The following IMPG1 variants were observed in gnomAD, a reference collection of about 807,000 sequenced individuals.
IMPG1 encodes the protein interphotoreceptor matrix proteoglycan 1.
A neutral mutation model predicts 92.0 loss-of-function variants in IMPG1; 85 were observed. That is an observed-to-expected ratio of 0.92 (90% CI 0.78 to 1.11). The LOEUF (loss-of-function observed/expected upper bound fraction) is 1.11, where lower values mean the gene tolerates loss of function less well. Ranked by LOEUF, IMPG1 falls within the 50% of genes least tolerant of loss-of-function variation. The pLI is 0.00. For missense variants in IMPG1, 1,022 were observed against 956.0 expected (o/e 1.07, Z -0.91); for synonymous variants, 367 against 334.1 (o/e 1.10, Z -1.08).
chr6:76,015,800 C>CAAAAAAAAAAAA (rs35389302), intron 7 of IMPG1, among the ~76,000 whole-genome samples: 5 of 66,738 alleles, frequency 7.5e-5, no homozygotes, highest in Non-Finnish European at 1.3e-4. Flanking sequence ...AACTCTGTCT[C>CAAAAAAAAAAAA]AAAAAAAAAA....
intron 1 of IMPG1, among the ~76,000 whole-genome samples, chr6:76,071,607 C>T (rs558742088): frequency 6.6e-6 from 1 of 152,004 alleles, no homozygotes; most frequent in African/African-American, 2.4e-5. Flanking sequence ...TTTACTTTTT[C>T]ATGGATATTC....
At chr6:75,966,913 C>T (rs1782316274) in intron 12 of IMPG1, among the ~76,000 whole-genome samples, 1 of 152,196 alleles carries the variant, frequency 6.6e-6, no homozygotes, top group African/African-American at 2.4e-5. Context: ...CATGATGGCT[C>T]ATGCTTGTAA....
intron 9 of IMPG1, among the ~76,000 whole-genome samples, chr6:76,006,839 G>A (rs1343565767): frequency 6.6e-6 from 1 of 151,854 alleles, no homozygotes; most frequent in Admixed American, 6.6e-5. Context: ...CTGTCCTCAG[G>A]AATTAGGTTT....
At chr6:75,976,261 C>T (rs936518065) in intron 12 of IMPG1, among the ~76,000 whole-genome samples, 12 of 152,206 alleles carry the variant, frequency 7.9e-5, no homozygotes, top group South Asian at 2.1e-4. Context: ...ATTTGGAGAC[C>T]GTGAATCAAA....
chr6:75,937,764 G>A lies in IMPG1; in HGVS notation c.2045-6613C>T, dbSNP rs566682021. The stretch of plus-strand genomic sequence containing the variant: ...TTTCCAGGGAAAACAAGCTCGTTGA[G>A]CCACATTTTTGTAAATGCATCCTGG... On this transcript the variant is annotated intron_variant, in intron 14 of 16. Transcript: ENST00000369950. 2.6e-5 allele frequency among the ~76,000 whole-genome samples: 4 copies of A among 152,294 alleles called. No homozygotes were observed. The South Asian group carries it at 8.3e-4, about 32-fold the overall frequency.
intron 12 of IMPG1, among the ~76,000 whole-genome samples, chr6:75,998,416 G>A (rs572590555): frequency 2.0e-5 from 3 of 152,280 alleles, no homozygotes; most frequent in South Asian, 2.1e-4. Flanking sequence ...CTCATGTCAC[G>A]GATTCCTTCT....
chr6:76,019,480 A>G (rs1783377584), intron 6 of IMPG1, among the ~76,000 whole-genome samples: 1 of 152,244 alleles, frequency 6.6e-6, no homozygotes. Flanking sequence ...AGAAGAGAAC[A>G]GTTAATGGAA....
At chr6:76,031,734 C>T (rs543253160) in intron 4 of IMPG1, among the ~76,000 whole-genome samples, 20 of 152,254 alleles carry the variant, frequency 1.3e-4, no homozygotes, top group Admixed American at 1.2e-3. Flanking sequence ...TTGTTAATAT[C>T]ACTTTCATCT....
At position 76,022,219 on chromosome 6, in the gene IMPG1, T is replaced by A; in HGVS notation, c.563A>T (p.Asp188Val). The change falls in exon 6 of 17, where the codon GAT becomes GTT. Residue 188 changes from aspartate to valine, a missense_variant and splice_region_variant. By Grantham distance (152) the Asp-to-Val change is radical. Coordinates refer to ENST00000369950, the MANE Select transcript of IMPG1 (RefSeq NM_001563.4). ...AGGCCCAAGTGAGACGTTGGCAACA[T>A]CTGTGAAAATTTTAAAAATTAAAGA... Reference protein sequence around the residue: ...EPGETIVISTDVANVSLGPFP... With the variant: ...EPGETIVISTVVANVSLGPFP... The A allele has an allele frequency of 6.4e-7, 1 of 1,564,554 alleles. No individual in the cohort carries two copies. Among genetic ancestry groups the A allele is most frequent in the Non-Finnish European group, 8.7e-7 (1 of 1,143,084 alleles).
intron 12 of IMPG1, among the ~76,000 whole-genome samples, chr6:76,000,355 C>T (rs1418364361): frequency 6.6e-6 from 1 of 152,190 alleles, no homozygotes; most frequent in African/African-American, 2.4e-5. Context: ...GTTGTGTGAT[C>T]ACCACCTCAA....
At chr6:75,940,064 C>A (rs375035227) in intron 14 of IMPG1, among the ~76,000 whole-genome samples, 145 of 152,338 alleles carry the variant, frequency 9.5e-4, no homozygotes, top group African/African-American at 3.5e-3. Context: ...TGACTTTCTG[C>A]AACATTGTCT....
At chr6:76,039,938 A>G (rs1273445243) in intron 2 of IMPG1, among the ~76,000 whole-genome samples, 1 of 152,190 alleles carries the variant, frequency 6.6e-6, no homozygotes, top group Non-Finnish European at 1.5e-5. Context: ...TTGATTTGGG[A>G]ATATGAGTGC....
At chr6:75,969,967 G>C (rs1782377514) in intron 12 of IMPG1, among the ~76,000 whole-genome samples, 1 of 152,046 alleles carries the variant, frequency 6.6e-6, no homozygotes, top group African/African-American at 2.4e-5. Flanking sequence ...AAACTTCATT[G>C]TGTTTTCTTC....
intron 4 of IMPG1, among the ~76,000 whole-genome samples, chr6:76,030,832 A>T (rs2149486888): frequency 6.6e-6 from 1 of 152,248 alleles, no homozygotes; most frequent in African/African-American, 2.4e-5. Flanking sequence ...ACTTCTTTAG[A>T]GTGGGGAATG....
intron 15 of IMPG1, 97 bp from the exon 16 acceptor site, chr6:75,923,803 C>A: frequency 2.9e-6 from 2 of 697,834 alleles, no homozygotes; most frequent in Non-Finnish European, 4.9e-6. Context: ...AACATCATGA[C>A]AAGTGAAAAT....
chr6:75,990,898 C>G lies in IMPG1; in HGVS notation c.1291+12020G>C, dbSNP rs1258743769. Among the ~76,000 whole-genome samples the G allele has an allele frequency of 4.6e-5, 7 of 152,126 alleles. No individual in the cohort carries two copies. The South Asian group carries it at 1.5e-3, about 32-fold the overall frequency. On this transcript the variant is annotated intron_variant, in intron 12 of 16. Coordinates refer to ENST00000369950, the MANE Select transcript of IMPG1 (RefSeq NM_001563.4). ...TTACAGATATTCTTTTTATTTCTAC[C>G]TTAGGACTTCGAAGATGTCACTTTC...
chr6:75,960,096 T>A (rs1355440332), intron 12 of IMPG1, among the ~76,000 whole-genome samples: 2 of 152,182 alleles, frequency 1.3e-5, no homozygotes, highest in Non-Finnish European at 2.9e-5. Context: ...CAGTCTCTCA[T>A]GGCTTCCCTT....
intron 12 of IMPG1, among the ~76,000 whole-genome samples, chr6:75,976,407 C>T (rs1394004518): frequency 6.6e-6 from 1 of 152,094 alleles, no homozygotes; most frequent in Non-Finnish European, 1.5e-5. Flanking sequence ...ACCAAAAATA[C>T]AACAATTAGC....
chr6:76,032,063 T>C (rs1783661725), intron 4 of IMPG1, among the ~76,000 whole-genome samples: 1 of 152,238 alleles, frequency 6.6e-6, no homozygotes. Flanking sequence ...AAGTAAAAGA[T>C]AATTTCTTTT....
Sources: allele counts gnomAD v4.1 joint callset (sites outside exome capture counted in the v4.1 genomes callset), GRCh38; gene constraint gnomAD v4.1.1; transcripts MANE v1.5; gene names NCBI Gene and HGNC (gene_info 2026-07-23, HGNC 2026-07-21).